EYS: variants seen among roughly 807,000 people sequenced by gnomAD.
The protein encoded by EYS is protein eyes shut homolog.
Under a neutral mutation model 282.1 loss-of-function variants are expected in EYS, and 250 were observed. The ratio of observed to expected loss-of-function variants is 0.89; its 90% CI spans 0.80 to 0.98. EYS has a LOEUF of 0.98. Among genes scored for constraint, EYS ranks in the 50% least tolerant of loss-of-function variants. The pLI is 0.00. For synonymous variants in EYS, 1,355 were observed against 1,282.9 expected, an observed-to-expected ratio of 1.06 and a Z score of -1.20; for missense variants, 4,016 against 3,709.0, an observed-to-expected ratio of 1.08 and a Z score of -2.15.
At chr6:65,249,626 G>A (rs1767268255) in intron 12 of EYS, among the ~76,000 whole-genome samples, 4 of 151,398 alleles carry the variant, frequency 2.6e-5, no homozygotes, top group Admixed American at 2.6e-4. Context: ...TCTTGTCTGC[G>A]AACACAAAAA....
At chr6:64,442,013 G>T (rs547664285) in intron 26 of EYS, among the ~76,000 whole-genome samples, 21 of 152,288 alleles carry the variant, frequency 1.4e-4, no homozygotes, top group African/African-American at 4.8e-4. Flanking sequence ...ACAGGCAGAG[G>T]TTGGAACAGT....
At chr6:65,258,673 A>G (rs1283763175) in intron 12 of EYS, among the ~76,000 whole-genome samples, 2 of 152,098 alleles carry the variant, frequency 1.3e-5, no homozygotes, top group Non-Finnish European at 2.9e-5. Flanking sequence ...TGGTTCTAGT[A>G]CCTACAGAGA....
chr6:64,727,140 A>G (rs1771783414), intron 22 of EYS, among the ~76,000 whole-genome samples: 1 of 152,224 alleles, frequency 6.6e-6, no homozygotes, highest in Non-Finnish European at 1.5e-5. Context: ...ATGTAAATAA[A>G]TAATTTGAAG....
At chr6:64,839,576 T>TC (rs975452298) in intron 19 of EYS, among the ~76,000 whole-genome samples, 163 of 152,184 alleles carry the variant, frequency 1.1e-3, no homozygotes, top group Middle Eastern at 0.01. Context: ...TCCCTTTTTT[T>TC]CTCCTAATAT....
chr6:63,761,030 G>A (rs1199934246), intron 41 of EYS, among the ~76,000 whole-genome samples: 2 of 148,976 alleles, frequency 1.3e-5, no homozygotes, highest in African/African-American at 2.5e-5. Flanking sequence ...TTGCTATTAA[G>A]TTTAAATATT....
At chr6:64,078,235 A>G (rs769697418) in intron 32 of EYS, among the ~76,000 whole-genome samples, 3 of 152,122 alleles carry the variant, frequency 2.0e-5, no homozygotes, top group Non-Finnish European at 4.4e-5. Flanking sequence ...ATATTTAGGA[A>G]TTAAAAAATG....
In EYS at chr6:65,659,875, G is replaced by T. The variant is rs527790919; in HGVS notation, c.-447-19983C>A. Among the ~76,000 whole-genome samples the T allele has an allele frequency of 2.0e-5, 3 of 151,598 alleles. No individual in the cohort carries two copies. In the South Asian group the frequency reaches 6.3e-4, roughly 32 times the overall value. The stretch of plus-strand genomic sequence containing the variant: ...AATAAAATAATTCACACAAGGTTAT[G>T]GCTAATCAAATTATTGTAGTCAAGA... On this transcript the variant is annotated intron_variant, in intron 1 of 42. Coordinates refer to ENST00000503581, the MANE Select transcript of EYS (RefSeq NM_001142800.2).
intron 12 of EYS, among the ~76,000 whole-genome samples, chr6:65,169,869 C>T (rs900543454): frequency 6.6e-6 from 1 of 151,430 alleles, no homozygotes; most frequent in African/African-American, 2.4e-5. Context: ...TCCTTTGGTA[C>T]TATACACATT....
intron 26 of EYS, among the ~76,000 whole-genome samples, chr6:64,582,550 T>G (rs1766104198): frequency 6.6e-6 from 1 of 151,726 alleles, no homozygotes; most frequent in Admixed American, 6.6e-5. Flanking sequence ...TGGGTCAGAT[T>G]TGGCCTGCAG....
chr6:65,456,227 C>T (rs765873402), intron 5 of EYS, among the ~76,000 whole-genome samples: 19 of 151,956 alleles, frequency 1.3e-4, no homozygotes, highest in East Asian at 1.2e-3. Context: ...CTGAGGCAGG[C>T]GAATCACGAG....
intron 22 of EYS, among the ~76,000 whole-genome samples, chr6:64,737,105 G>A (rs555675176): frequency 1.3e-5 from 2 of 152,204 alleles, no homozygotes; most frequent in African/African-American, 4.8e-5. Flanking sequence ...TAAAAGATGT[G>A]TCTGTAGCTT....
intron 19 of EYS, among the ~76,000 whole-genome samples, chr6:64,881,518 C>T (rs1187606712): frequency 3.3e-5 from 5 of 151,696 alleles, no homozygotes; most frequent in South Asian, 2.1e-4. Context: ...GAAATATCTC[C>T]GATTACTTTA....
intron 26 of EYS, among the ~76,000 whole-genome samples, chr6:64,512,447 G>A (rs769839386): frequency 6.6e-6 from 1 of 151,844 alleles, no homozygotes; most frequent in Admixed American, 6.6e-5. Flanking sequence ...CAATGAAGAC[G>A]GTAATCATCA....
At chr6:65,157,574 G>C (rs933470466) in intron 12 of EYS, among the ~76,000 whole-genome samples, 3 of 150,466 alleles carry the variant, frequency 2.0e-5, no homozygotes, top group African/African-American at 7.3e-5. Context: ...ACAATTAATA[G>C]CATAAAAATT....
intron 13 of EYS, among the ~76,000 whole-genome samples, chr6:65,011,559 C>G (rs1389533445): frequency 6.6e-6 from 1 of 152,156 alleles, no homozygotes; most frequent in Non-Finnish European, 1.5e-5. Context: ...CCCTACTATG[C>G]CCCAGTTCAG....
intron 33 of EYS, among the ~76,000 whole-genome samples, chr6:64,062,091 A>G (rs1771196952): frequency 1.3e-5 from 2 of 152,198 alleles, no homozygotes; most frequent in Non-Finnish European, 2.9e-5. Context: ...CTTTTTAGGG[A>G]GAAATTTACC....
At chr6:64,593,671 G>T (rs900641895) in intron 24 of EYS, among the ~76,000 whole-genome samples, 3 of 152,120 alleles carry the variant, frequency 2.0e-5, no homozygotes, top group Admixed American at 1.3e-4. Context: ...AAACTTTTCT[G>T]CTCTAAAAGT....
At chr6:64,491,996 C>T (rs1776754639) in intron 26 of EYS, among the ~76,000 whole-genome samples, 1 of 151,010 alleles carries the variant, frequency 6.6e-6, no homozygotes, top group South Asian at 2.1e-4. Flanking sequence ...GTACAGCACC[C>T]TTATTTTATG....
chr6:65,005,616 G>A lies in EYS; in HGVS notation c.2138-7913C>T, dbSNP rs563151467. 1.4e-4 allele frequency among the ~76,000 whole-genome samples: 20 copies of A among 147,820 alleles called. 2 individuals are homozygous for A. The highest frequency in any genetic ancestry group is 4.8e-4 in the African/African-American group (20 of 41,344). On this transcript the variant is annotated intron_variant, in intron 13 of 42. Coordinates refer to ENST00000503581, the MANE Select transcript of EYS (RefSeq NM_001142800.2). ...GGGCACCTGTCCGCCAGTTAAAAAC[G>A]ATTAGCATGGCCGCTGGACTTAAGA...
Sources: allele counts gnomAD v4.1 joint callset (sites outside exome capture counted in the v4.1 genomes callset), GRCh38; gene constraint gnomAD v4.1.1; transcripts MANE v1.5; gene names NCBI Gene and HGNC (gene_info 2026-07-23, HGNC 2026-07-21).